Variants in DSG1 observed in about 807,000 individuals in gnomAD.
DSG1 encodes desmoglein 1.
Under a neutral mutation model 97.5 loss-of-function variants are expected in DSG1, and 39 were observed. The observed-to-expected ratio is 0.40, with a 90% CI of 0.31 to 0.52. The LOEUF is 0.52. Among genes scored for constraint, DSG1 ranks in the 20% least tolerant of loss-of-function variants. The probability of loss-of-function intolerance (pLI) is 0.53; values close to 1 mark genes in which losing one functional copy is unlikely to be tolerated. For synonymous variants in DSG1, 475 were observed against 443.4 expected, an observed-to-expected ratio of 1.07 and a Z score of -0.90; for missense variants, 1,311 against 1,295.4, an observed-to-expected ratio of 1.01 and a Z score of -0.18.
At chr18:31,324,905 C>T (rs2071676397) in intron 1 of DSG1, among the ~76,000 whole-genome samples, 1 of 152,234 alleles carries the variant, frequency 6.6e-6, no homozygotes, top group Non-Finnish European at 1.5e-5. Flanking sequence ...TATTTTCCTA[C>T]TGCACACAGG....
Position 31,339,899 on chromosome 18 carries a change from T to C in DSG1, c.1561T>C (p.Ser521Pro). 1 of 1,614,126 alleles carries C rather than the reference T, an allele frequency of 6.2e-7. No homozygotes were observed. Residue 521 changes from serine (S) to proline (P), a missense_variant, in exon 11 of 15, where the codon TCT becomes CCT. By Grantham distance (74) the Ser-to-Pro change is moderately conservative. Transcript: ENST00000257192. ...SSTNYDTSTT[S>P]TDSSQVYSSE... ...CACTAACTATGATACCAGCACAACTTCTACTGACTCTAGCCAAGTATATTC... is the reference window on the plus strand; with the variant it reads ...CACTAACTATGATACCAGCACAACTCCTACTGACTCTAGCCAAGTATATTC...
At chr18:31,353,538 C>G (rs1260579026) in intron 14 of DSG1, among the ~76,000 whole-genome samples, 1 of 152,220 alleles carries the variant, frequency 6.6e-6, no homozygotes, top group Non-Finnish European at 1.5e-5. Context: ...CCTAATCAAG[C>G]CTGGGCAATG....
intron 1 of DSG1, among the ~76,000 whole-genome samples, chr18:31,323,544 C>A (rs1372452141): frequency 6.6e-6 from 1 of 152,174 alleles, no homozygotes; most frequent in East Asian, 1.9e-4. Flanking sequence ...CACAACACTT[C>A]TATGAGAATC....
At chr18:31,352,637 A>C (rs1200656629) in intron 14 of DSG1, among the ~76,000 whole-genome samples, 1 of 149,126 alleles carries the variant, frequency 6.7e-6, no homozygotes, top group Non-Finnish European at 1.5e-5. Flanking sequence ...CTTTTCACAT[A>C]GTCCCATATT....
Position 31,328,191 on chromosome 18 carries a change from T to C in DSG1, c.219T>C (p.Ile73=), listed in dbSNP as rs781492654. The change falls in exon 4 of 15, where the codon ATT becomes ATC. Residue 73 remains isoleucine, a splice_region_variant and synonymous_variant. Transcript: ENST00000257192. Reference sequence around the variant, plus strand: ...TTTTACTTGTGTTCCTTCTGCAGATTCACTCAGATTGTGCTGCAAACCAGC... The same window carrying C: ...TTTTACTTGTGTTCCTTCTGCAGATCCACTCAGATTGTGCTGCAAACCAGC... The part of the protein sequence containing the change: ...DNSKRNPIAK[I]HSDCAANQQV... 41 of 1,613,242 alleles carry C rather than the reference T, an allele frequency of 2.5e-5. No homozygotes were observed. In the Admixed American group the frequency reaches 6.8e-4, roughly 27 times the overall value.
At chr18:31,353,977 G>A (rs1020408343) in intron 14 of DSG1, 9 of 322,820 alleles carry the variant, frequency 2.8e-5, no homozygotes, top group East Asian at 2.5e-4. Flanking sequence ...GTTCCTATTC[G>A]GCCATCTTGG....
rs1443302073 is a variant in DSG1 at position 31,358,532 on chromosome 18, T to C, written c.*3186T>C. ...TGTCTTCAAAAATTACATTTTTTAC[T>C]CTAGTAAGTAGATGTTTTTAGTTAT... On this transcript the variant is annotated 3_prime_UTR_variant, in exon 15 of 15. Coordinates refer to ENST00000257192, the MANE Select transcript of DSG1 (RefSeq NM_001942.4). Among the ~76,000 whole-genome samples the C allele has an allele frequency of 6.6e-6, 1 of 152,114 alleles. No individual in the cohort carries two copies. Among genetic ancestry groups the C allele is most frequent in the Non-Finnish European group, 1.5e-5 (1 of 67,940 alleles).
intron 1 of DSG1, among the ~76,000 whole-genome samples, chr18:31,322,351 A>G (rs189414785): frequency 6.6e-6 from 1 of 152,362 alleles, no homozygotes; most frequent in East Asian, 1.9e-4. Context: ...CCAAAAAATT[A>G]TCACGCTATT....
intron 8 of DSG1, among the ~76,000 whole-genome samples, chr18:31,336,002 A>T (rs146335689): frequency 0.014 from 2,104 of 152,074 alleles, 9 homozygotes; most frequent in Middle Eastern, 0.034. Context: ...ACTTTCTGAA[A>T]AACATAAAAT....
In DSG1 at chr18:31,348,058, G is replaced by A. The variant is rs566776970; in HGVS notation, c.2100+1860G>A. ...ATGTATACATGTGCCATGCTGGTGC[G>A]CTGCACCCACTAACTCGTCATCTAG... On this transcript the variant is annotated intron_variant, in intron 14 of 14. Transcript: ENST00000257192. Among the ~76,000 whole-genome samples the A allele has an allele frequency of 1.2e-3, 182 of 151,190 alleles. 2 individuals are homozygous for A. The highest frequency in any genetic ancestry group is 1.9e-3 in the Non-Finnish European group (132 of 67,836).
In DSG1 at chr18:31,354,688, G is replaced by C; in HGVS notation, c.2492G>C (p.Gly831Ala). Residue 831 changes from glycine (G) to alanine (A), a missense_variant, in exon 15 of 15, where the codon GGC becomes GCC. This residue lies in a region of DSG1 where 1,038 missense variants were observed against 964.6 expected (regional missense o/e 1.08). Transcript: ENST00000257192. ...LHPKPILDPL[G>A]YGNVTVTESY... Reference sequence around the variant, plus strand: ...CCTAAGCCTATTCTCGATCCTCTGGGCTATGGTAATGTCACTGTGACCGAG... The same window carrying C: ...CCTAAGCCTATTCTCGATCCTCTGGCCTATGGTAATGTCACTGTGACCGAG... The C allele has an allele frequency of 6.2e-7, 1 of 1,614,056 alleles. No individual in the cohort carries two copies. Among genetic ancestry groups the C allele is most frequent in the Non-Finnish European group, 8.5e-7 (1 of 1,180,010 alleles).
chr18:31,333,279 G>A (rs184079969), intron 6 of DSG1, among the ~76,000 whole-genome samples: 21 of 152,166 alleles, frequency 1.4e-4, no homozygotes, highest in African/African-American at 5.1e-4. Flanking sequence ...TAAATTTTTG[G>A]TAAACTTAAT....
chr18:31,355,279 G>T lies in DSG1; in HGVS notation c.3083G>T (p.Gly1028Val). 1 of 1,613,702 alleles carries T rather than the reference G, an allele frequency of 6.2e-7. No individual in the cohort carries two copies. Among genetic ancestry groups the T allele is most frequent in the Non-Finnish European group, 8.5e-7 (1 of 1,179,774 alleles). The change falls in exon 15 of 15, where the codon GGG becomes GTG. Residue 1028 changes from glycine (G) to valine (V), a missense_variant. Gly to Val is a moderately radical substitution (Grantham distance 109, BLOSUM62 -3). Transcript: ENST00000257192. ...SSDHHFNQTI[G>V]SASPSTARSR... is the part of the protein sequence containing the mutation. ...GACCATCACTTTAACCAAACCATTGGGTCCGCCTCCCCTAGCACAGCTCGA... is the reference window on the plus strand; with the variant it reads ...GACCATCACTTTAACCAAACCATTGTGTCCGCCTCCCCTAGCACAGCTCGA...
intron 2 of DSG1, 46 bp downstream of exon 2, chr18:31,326,662 T>C: frequency 6.7e-7 from 1 of 1,496,114 alleles, no homozygotes; most frequent in Non-Finnish European, 9.3e-7. Flanking sequence ...AACAAGAAAA[T>C]AATTTGAGAA....
chr18:31,342,942 C>G (rs1421176382), intron 11 of DSG1, among the ~76,000 whole-genome samples: 1 of 145,292 alleles, frequency 6.9e-6, no homozygotes, highest in Non-Finnish European at 1.5e-5. Context: ...CTCTGTCACT[C>G]AGGCTGGAGT....
intron 11 of DSG1, among the ~76,000 whole-genome samples, chr18:31,342,998 C>G (rs2071800149): frequency 6.6e-6 from 1 of 151,418 alleles, no homozygotes; most frequent in Admixed American, 6.6e-5. Context: ...GCAGCCTCAA[C>G]CTCCCTGGCT....
At chr18:31,320,681 A>G (rs1414861385) in intron 1 of DSG1, among the ~76,000 whole-genome samples, 1 of 152,222 alleles carries the variant, frequency 6.6e-6, no homozygotes, top group Non-Finnish European at 1.5e-5. Flanking sequence ...TCTATTTTTC[A>G]TTCTTCTTTT....
chr18:31,358,336 C>G lies in DSG1; in HGVS notation c.*2990C>G, dbSNP rs1193855665. ...TATATCTGCTACATATTATTTACTT[C>G]TAAGCATGTTGTCTGATGTAATTGC... On this transcript the variant is annotated 3_prime_UTR_variant, in exon 15 of 15. Coordinates refer to ENST00000257192, the MANE Select transcript of DSG1 (RefSeq NM_001942.4). 2.0e-5 allele frequency among the ~76,000 whole-genome samples: 3 copies of G among 151,912 alleles called. No homozygotes were observed. Among genetic ancestry groups the G allele is most frequent in the Non-Finnish European group, 4.4e-5 (3 of 67,868 alleles).
At chr18:31,322,064 G>A (rs2071657258) in intron 1 of DSG1, among the ~76,000 whole-genome samples, 3 of 152,232 alleles carry the variant, frequency 2.0e-5, no homozygotes, top group Non-Finnish European at 2.9e-5. Context: ...GCCATTGGCT[G>A]CTGATCCATG....
Sources: gnomAD v4.1 joint callset for allele counts (sites outside exome capture counted in the v4.1 genomes callset) on GRCh38, gnomAD v4.1.1 for gene constraint, gnomAD v4.1.1 regional missense constraint, MANE v1.5 for transcripts, NCBI Gene and HGNC (gene_info 2026-07-23, HGNC 2026-07-21) for gene names.